The following ANO4 variants were observed in gnomAD, a reference collection of about 807,000 sequenced individuals.
ANO4 encodes the protein anoctamin-4.
Under a neutral mutation model 141.9 loss-of-function variants are expected in ANO4, and 69 were observed. That is an observed-to-expected ratio of 0.49 (90% CI 0.40 to 0.59). The LOEUF (loss-of-function observed/expected upper bound fraction) is 0.59. ANO4 is among the 20% of genes least tolerant of loss of function. The probability of loss-of-function intolerance (pLI) is 0.00; values close to 1 mark genes in which losing one functional copy is unlikely to be tolerated. For synonymous variants in ANO4, 350 were observed against 394.3 expected (o/e 0.89, Z 1.33); for missense variants, 894 against 1,162.2 (o/e 0.77, Z 3.36).
intron 1 of ANO4, among the ~76,000 whole-genome samples, chr12:100,825,429 C>T (rs924374663): frequency 2.6e-5 from 4 of 151,966 alleles, no homozygotes; most frequent in Non-Finnish European, 5.9e-5. Context: ...AGAAACATTA[C>T]GTGATGCTCA....
chr12:101,000,722 G>T (rs578011292), intron 8 of ANO4, among the ~76,000 whole-genome samples: 22 of 152,284 alleles, frequency 1.4e-4, no homozygotes, highest in African/African-American at 4.1e-4. Flanking sequence ...TGCTTCTCAA[G>T]ATCATACAGC....
intron 2 of ANO4, among the ~76,000 whole-genome samples, chr12:100,739,466 TC>T (rs2031768256): frequency 6.6e-6 from 1 of 152,160 alleles, no homozygotes; most frequent in Admixed American, 6.5e-5. Context: ...CAGGTTGAGA[TC>T]CAGTTTTCTC....
At chr12:100,792,056 A>T (rs752968258), upstream of ANO4, among the ~76,000 whole-genome samples, 4 of 151,812 alleles carry the variant, frequency 2.6e-5, no homozygotes, top group Non-Finnish European at 5.9e-5. Flanking sequence ...AAATGGAATT[A>T]TGTGGCCGCC....
At chr12:101,088,337 G>T (rs980474594) in intron 17 of ANO4, among the ~76,000 whole-genome samples, 2 of 151,734 alleles carry the variant, frequency 1.3e-5, no homozygotes, top group African/African-American at 4.8e-5. Context: ...TGCTTCCCTG[G>T]TCACTCTGTT....
At chr12:100,799,637 A>C (rs1216205498) in intron 1 of ANO4, among the ~76,000 whole-genome samples, 1 of 152,162 alleles carries the variant, frequency 6.6e-6, no homozygotes, top group East Asian at 1.9e-4. Context: ...GCTACTCAGG[A>C]GGCTGAGGTA....
rs138248565 is a variant in ANO4 at position 101,094,988 on chromosome 12, C to T, written c.1738+696C>T. ...ATCTGGTAACCAGTAATAACTTGTA[C>T]ATTTATCACATTTTCAAAATAAAGA... On this transcript the variant is annotated intron_variant, in intron 18 of 27. Transcript: ENST00000392977. Among the ~76,000 whole-genome samples, 268 of 152,252 alleles carry T rather than the reference C, an allele frequency of 1.8e-3. 3 individuals carry two copies. The highest frequency in any genetic ancestry group is 6.0e-3 in the African/African-American group (248 of 41,552).
chr12:101,011,213 A>G (rs2046073111), intron 8 of ANO4, among the ~76,000 whole-genome samples: 1 of 152,154 alleles, frequency 6.6e-6, no homozygotes, highest in Non-Finnish European at 1.5e-5. Context: ...TGTAGATTAA[A>G]GCCATTCACA....
chr12:100,801,621 A>C (rs540325772), intron 1 of ANO4, among the ~76,000 whole-genome samples: 1 of 151,904 alleles, frequency 6.6e-6, no homozygotes, highest in East Asian at 1.9e-4. Context: ...GACTGTAGTC[A>C]GCTGTATACT....
chr12:101,051,898 A>G (rs920727650), intron 14 of ANO4, among the ~76,000 whole-genome samples: 1 of 152,146 alleles, frequency 6.6e-6, no homozygotes, highest in African/African-American at 2.4e-5. Context: ...TTGAGACAGT[A>G]ATGTTCTATA....
chr12:100,749,694 T>G (rs1387993125), intron 3 of ANO4, among the ~76,000 whole-genome samples: 1 of 152,220 alleles, frequency 6.6e-6, no homozygotes, highest in Non-Finnish European at 1.5e-5. Flanking sequence ...CTGAAGAACT[T>G]GAATTAAAGC....
chr12:101,104,209 C>T lies in ANO4; in HGVS notation c.2149+4489C>T, dbSNP rs1305905727. ...TCTTTGTTGATTTTTCTCTACTACA[C>T]ATTTGCCTTTTGGTTCATTCATTTC... On this transcript the variant is annotated intron_variant, in intron 22 of 27. Transcript: ENST00000392977. 3.3e-5 allele frequency among the ~76,000 whole-genome samples: 5 copies of T among 151,896 alleles called. No individual in the cohort carries two copies. In the East Asian group the frequency reaches 7.7e-4, roughly 23 times the overall value.
chr12:100,824,411 T>C (rs1219187988), intron 1 of ANO4, among the ~76,000 whole-genome samples: 1 of 152,002 alleles, frequency 6.6e-6, no homozygotes, highest in Non-Finnish European at 1.5e-5. Flanking sequence ...AAAGACAGCA[T>C]TGCAAATTAA....
At chr12:101,058,403 TCAGTGG>T (rs2048215386) in intron 14 of ANO4, among the ~76,000 whole-genome samples, 1 of 152,166 alleles carries the variant, frequency 6.6e-6, no homozygotes, top group Admixed American at 6.5e-5. Flanking sequence ...GTGAAGAAAG[TCAGTGG>T]TAGCTTGATG....
intron 8 of ANO4, among the ~76,000 whole-genome samples, chr12:100,998,070 T>C (rs1157243058): frequency 6.6e-6 from 1 of 152,038 alleles, no homozygotes; most frequent in African/African-American, 2.4e-5. Context: ...TGGGTGTGTC[T>C]GTGAGGCCAA....
chr12:101,089,192 G>A (rs1007102435), intron 17 of ANO4, among the ~76,000 whole-genome samples: 1 of 152,070 alleles, frequency 6.6e-6, no homozygotes, highest in African/African-American at 2.4e-5. Flanking sequence ...AAACTTGAGT[G>A]ATTCCTAAGA....
chr12:100,991,839 A>C (rs2045125688), intron 8 of ANO4, among the ~76,000 whole-genome samples: 1 of 152,200 alleles, frequency 6.6e-6, no homozygotes, highest in South Asian at 2.1e-4. Context: ...GAATCATGTA[A>C]GTAAAGAATA....
At chr12:100,944,903 A>G (rs2042662856) in intron 5 of ANO4, among the ~76,000 whole-genome samples, 1 of 152,188 alleles carries the variant, frequency 6.6e-6, no homozygotes, top group South Asian at 2.1e-4. Flanking sequence ...TAAATTTAGA[A>G]ACCGTTGGAA....
At chr12:100,970,655 C>CGCCTT (rs2043876747) in intron 5 of ANO4, among the ~76,000 whole-genome samples, 1 of 124,102 alleles carries the variant, frequency 8.1e-6, no homozygotes, top group Non-Finnish European at 1.8e-5. Flanking sequence ...CTCCCTCCCT[C>CGCCTT]CCTCCCTCTC....
intron 8 of ANO4, among the ~76,000 whole-genome samples, chr12:101,008,615 C>CT (rs1198024946): frequency 6.6e-6 from 1 of 152,022 alleles, no homozygotes; most frequent in African/African-American, 2.4e-5. Context: ...AATCATTTTC[C>CT]TTTTTTGCGC....
Sources: gnomAD v4.1 joint callset for allele counts (sites outside exome capture counted in the v4.1 genomes callset) on GRCh38, gnomAD v4.1.1 for gene constraint, MANE v1.5 for transcripts, NCBI Gene and HGNC (gene_info 2026-07-23, HGNC 2026-07-21) for gene names.